Variants in LAMP3 observed in about 807,000 individuals in gnomAD.
LAMP3 encodes the protein lysosome-associated membrane glycoprotein 3.
Under a neutral mutation model 34.8 loss-of-function variants are expected in LAMP3, and 26 were observed. The ratio of observed to expected loss-of-function variants is 0.75; its 90% confidence interval spans 0.55 to 1.04. The LOEUF (loss-of-function observed/expected upper bound fraction) is 1.04. LAMP3 is among the 50% of genes least tolerant of loss of function. LAMP3 has a pLI of 0.00. For missense variants in LAMP3, 495 were observed against 524.0 expected (o/e 0.94, Z 0.54); for synonymous variants, 180 against 201.9 (o/e 0.89, Z 0.92).
At position 183,140,610 on chromosome 3, in the gene LAMP3, G is replaced by C. The variant is rs1343923258; in HGVS notation, c.889-15C>G. ...GATTCTTCATCCTGTAAAACAGTAG[G>C]GTGTTAACCTTTGGGTTATCTCTAC... On this transcript the variant is annotated splice_polypyrimidine_tract_variant and intron_variant, in intron 3 of 5. Coordinates refer to ENST00000265598, the MANE Select transcript of LAMP3 (RefSeq NM_014398.4). 4.5e-6 allele frequency: 7 copies of C among 1,551,918 alleles called. No individual in the cohort carries two copies. The African/African-American group carries it at 6.8e-5, about 15-fold the overall frequency.
At chr3:183,138,827 C>T (rs1459580358) in intron 4 of LAMP3, among the ~76,000 whole-genome samples, 2 of 152,140 alleles carry the variant, frequency 1.3e-5, no homozygotes, top group African/African-American at 4.8e-5. Context: ...CTCGACCTCA[C>T]CTGCTGCTTA....
intron 1 of LAMP3, among the ~76,000 whole-genome samples, chr3:183,159,386 A>G (rs1218722411): frequency 6.6e-6 from 1 of 152,210 alleles, no homozygotes; most frequent in South Asian, 2.1e-4. Context: ...TGACGGGAAC[A>G]CAGGGACGGT....
intron 3 of LAMP3, among the ~76,000 whole-genome samples, chr3:183,147,238 G>A (rs1311278012): frequency 7.5e-5 from 7 of 93,236 alleles, no homozygotes; most frequent in Admixed American, 1.2e-4. Context: ...GTGAGACCCC[G>A]TCTAAAAACA....
intron 5 of LAMP3, among the ~76,000 whole-genome samples, chr3:183,128,009 G>T (rs1719824938): frequency 6.6e-6 from 1 of 152,058 alleles, no homozygotes; most frequent in South Asian, 2.1e-4. Context: ...ATAACCAGTT[G>T]TGGTGGCAGG....
chr3:183,128,892 C>T (rs984206065), intron 5 of LAMP3, among the ~76,000 whole-genome samples: 8 of 152,036 alleles, frequency 5.3e-5, no homozygotes, highest in Admixed American at 1.3e-4. Context: ...GTTTATATTG[C>T]GACTCATTTC....
At chr3:183,153,186 A>G (rs1720706879) in intron 2 of LAMP3, among the ~76,000 whole-genome samples, 1 of 151,716 alleles carries the variant, frequency 6.6e-6, no homozygotes, top group Admixed American at 6.6e-5. Flanking sequence ...AAAAAAAAAA[A>G]AAAAAAGAAA....
intron 5 of LAMP3, among the ~76,000 whole-genome samples, chr3:183,133,479 C>T (rs765775035): frequency 6.6e-6 from 1 of 152,116 alleles, no homozygotes; most frequent in African/African-American, 2.4e-5. Context: ...CTCAGCCTCC[C>T]GAGTAGCTGG....
intron 3 of LAMP3, among the ~76,000 whole-genome samples, chr3:183,144,719 C>A (rs1336119294): frequency 6.6e-6 from 1 of 152,096 alleles, no homozygotes; most frequent in East Asian, 1.9e-4. Context: ...GTTTGAGCAA[C>A]ATAATGAAAA....
Position 183,140,134 on chromosome 3 carries a change from C to T in LAMP3, c.946+404G>A, listed in dbSNP as rs908915919. On this transcript the variant is annotated intron_variant, in intron 4 of 5. Coordinates refer to ENST00000265598, the MANE Select transcript of LAMP3 (RefSeq NM_014398.4). ...CCTTAGAAGCAGCATCGGCCGGGTG[C>T]AGTGGCTCACGCCTGTAATCCCAGC... is the stretch of plus-strand genomic sequence containing the variant. Among the ~76,000 whole-genome samples, 6 of 152,120 alleles carry T rather than the reference C, an allele frequency of 3.9e-5. No homozygotes were observed. In the South Asian group the frequency reaches 1.0e-3, roughly 26 times the overall value.
At chr3:183,142,654 A>G (rs1419505467) in intron 3 of LAMP3, among the ~76,000 whole-genome samples, 1 of 152,138 alleles carries the variant, frequency 6.6e-6, no homozygotes, top group East Asian at 1.9e-4. Context: ...ATTTTCCTCC[A>G]TGGGATGTGT....
intron 5 of LAMP3, among the ~76,000 whole-genome samples, chr3:183,135,376 G>A (rs1038685125): frequency 2.0e-5 from 3 of 152,188 alleles, no homozygotes; most frequent in Admixed American, 6.5e-5. Context: ...TCTTTAAAGT[G>A]TTCTCCAAAC....
At chr3:183,157,623 G>GT (rs1337381331) in intron 1 of LAMP3, among the ~76,000 whole-genome samples, 2 of 152,124 alleles carry the variant, frequency 1.3e-5, no homozygotes, top group African/African-American at 4.8e-5. Context: ...ACACTTGCCA[G>GT]TTGTTCTCTT....
At position 183,123,054 on chromosome 3, in the gene LAMP3, G is replaced by A. The variant is rs1252336205; in HGVS notation, c.*1027C>T. On this transcript the variant is annotated 3_prime_UTR_variant, in exon 6 of 6. Transcript: ENST00000265598. Reference sequence around the variant, plus strand: ...AGATATAGATAAAGTGCTTAGCCTAGACTCTGGCACTTTGTTAATAATTAA... The same window carrying A: ...AGATATAGATAAAGTGCTTAGCCTAAACTCTGGCACTTTGTTAATAATTAA... 6.6e-6 allele frequency: 1 copy of A among 152,180 alleles called. No homozygotes were observed. The highest frequency in any genetic ancestry group is 1.9e-4 in the East Asian group (1 of 5,206). 9.4% of individuals were successfully genotyped at this position (152,180 alleles called of 1,614,324 possible).
At chr3:183,128,221 C>T (rs944160495) in intron 5 of LAMP3, among the ~76,000 whole-genome samples, 2 of 152,084 alleles carry the variant, frequency 1.3e-5, no homozygotes, top group Non-Finnish European at 1.5e-5. Flanking sequence ...ATACAAGATG[C>T]TGTGCATTGA....
At position 183,138,848 on chromosome 3, in the gene LAMP3, G is replaced by A. The variant is rs565067232; in HGVS notation, c.946+1690C>T. On this transcript the variant is annotated intron_variant, in intron 4 of 5. Coordinates refer to ENST00000265598, the MANE Select transcript of LAMP3 (RefSeq NM_014398.4). ...CTCACCTGCTGCTTATTCTCTCTCCGGGCACACTGGCACTCTGCAGGTCCT... is the reference window on the plus strand; with the variant it reads ...CTCACCTGCTGCTTATTCTCTCTCCAGGCACACTGGCACTCTGCAGGTCCT... Among the ~76,000 whole-genome samples, 10 of 152,042 alleles carry A rather than the reference G, an allele frequency of 6.6e-5. No homozygotes were observed. In the South Asian group the frequency reaches 1.7e-3, roughly 25 times the overall value.
intron 1 of LAMP3, chr3:183,161,994 G>A: frequency 3.0e-6 from 3 of 985,308 alleles, no homozygotes; most frequent in Non-Finnish European, 3.6e-6. Flanking sequence ...ATGTTAGCCG[G>A]GCGGTAGGGA....
chr3:183,152,588 C>G, intron 2 of LAMP3, 85 bp from the exon 3 acceptor site: 3 of 1,286,378 alleles, frequency 2.3e-6, no homozygotes, highest in East Asian at 2.6e-5. Flanking sequence ...AGTTTGTGAG[C>G]CTGAAACTTA....
intron 3 of LAMP3, among the ~76,000 whole-genome samples, chr3:183,141,051 A>G (rs185974127): frequency 1.3e-5 from 2 of 152,354 alleles, no homozygotes; most frequent in East Asian, 1.9e-4. Context: ...TAGAAGGCTC[A>G]TCCTTAAGGA....
chr3:183,130,966 C>A (rs539772716), intron 5 of LAMP3, among the ~76,000 whole-genome samples: 1 of 152,274 alleles, frequency 6.6e-6, no homozygotes, highest in East Asian at 1.9e-4. Context: ...CCCAGCTCCA[C>A]TGCCCCCTCT....
Sources: gnomAD v4.1 joint callset for allele counts (sites outside exome capture counted in the v4.1 genomes callset) on GRCh38, gnomAD v4.1.1 for gene constraint, MANE v1.5 for transcripts, NCBI Gene and HGNC (gene_info 2026-07-23, HGNC 2026-07-21) for gene names.